The following IQSEC2 variants were observed in gnomAD, a reference collection of about 807,000 sequenced individuals.
IQSEC2 encodes the protein IQ motif and SEC7 domain-containing protein 2.
Under a neutral mutation model 74.6 loss-of-function variants are expected in IQSEC2, and 6 were observed. The ratio of observed to expected loss-of-function variants is 0.08; its 90% CI spans 0.04 to 0.16. IQSEC2 has a LOEUF of 0.16. Among genes scored for constraint, IQSEC2 ranks in the 10% least tolerant of loss-of-function variants. The pLI, the probability that IQSEC2 is intolerant of heterozygous loss-of-function variation, is 1.00. For missense variants in IQSEC2, 734 were observed against 1,306.2 expected, an observed-to-expected ratio of 0.56 and a Z score of 6.75; for synonymous variants, 494 against 544.5, an observed-to-expected ratio of 0.91 and a Z score of 1.29.
intron 12 of IQSEC2, 27 bp from the exon 13 acceptor site, chrX:53,236,522 G>A (rs1556859761): frequency 1.7e-6 from 2 of 1,178,782 alleles, no homozygotes; most frequent in Non-Finnish European, 2.3e-6. Flanking sequence ...GAGACAGGGA[G>A]CAAAGGTCAG....
In IQSEC2 at chrX:53,255,915, C is replaced by T. The variant is rs1569306306; in HGVS notation, c.884G>A (p.Arg295Gln). The T allele has an allele frequency of 1.7e-6, 2 of 1,207,456 alleles. No individual in the cohort carries two copies. The highest frequency in any genetic ancestry group is 1.7e-5 in the African/African-American group (1 of 57,886). ...GACACTGGCTGGCTGGAGGCGTGCC[C>T]GCTGAGCCCAGGGAAGGCCCACTCC... is the stretch of plus-strand genomic sequence containing the variant. Reference protein sequence around the residue: ...PAGVGLPWAQRARLQPASVAL... With the variant: ...PAGVGLPWAQQARLQPASVAL... The change falls in exon 3 of 15, where the codon CGG (arginine) becomes CAG (glutamine). Residue 295 changes from arginine to glutamine, a missense_variant. Transcript: ENST00000642864.
chrX:53,309,412 C>T (rs2075299652), intron 1 of IQSEC2, among the ~76,000 whole-genome samples: 1 of 112,224 alleles, frequency 8.9e-6, no homozygotes, highest in Non-Finnish European at 1.9e-5. Context: ...TTTAGTTTGT[C>T]AAAACAAGCC....
downstream of IQSEC2, chrX:53,226,342 A>G (rs373012853): frequency 8.9e-6 from 1 of 112,657 alleles, no homozygotes; most frequent in East Asian, 2.8e-4. Context: ...TTGAACACCT[A>G]CTGTGCAAAT....
intron 1 of IQSEC2, among the ~76,000 whole-genome samples, chrX:53,317,605 G>C (rs1479831321): frequency 9.0e-6 from 1 of 111,597 alleles, no homozygotes; most frequent in South Asian, 3.7e-4. Context: ...GCACAGCGGG[G>C]CCCCCCCAAC....
chrX:53,228,399 G>A (rs1339699657), downstream of IQSEC2, among the ~76,000 whole-genome samples: 2 of 111,339 alleles, frequency 1.8e-5, no homozygotes, highest in Non-Finnish European at 1.9e-5. Flanking sequence ...GGTCTTGCTG[G>A]GGGACAACCG....
At chrX:53,305,545 C>T (rs782122467) in intron 1 of IQSEC2, among the ~76,000 whole-genome samples, 1 of 111,677 alleles carries the variant, frequency 9.0e-6, no homozygotes, top group Admixed American at 9.5e-5. Flanking sequence ...TACAGTGGTC[C>T]ACAGTTGTAC....
Position 53,255,989 on chromosome X carries a change from C to T in IQSEC2, c.810G>A (p.Arg270=), listed in dbSNP as rs1556865127. Residue 270 remains arginine (R), a synonymous_variant, in exon 3 of 15, where the codon CGG becomes CGA. Transcript: ENST00000642864. ...TGCTGGAGGGGGGCAGCTGGCTCAG[C>T]CGGTAGGGGGGTTGGCTCCCAGGAC... ...VDSPGSQPPY[R]LSQLPPSSSH... The T allele has an allele frequency of 1.7e-6, 2 of 1,189,158 alleles. No homozygotes were observed. The highest frequency in any genetic ancestry group is 2.3e-5 in the Admixed American group (1 of 43,317).
Position 53,270,683 on chromosome X carries a change from C to T in IQSEC2, c.738-14622G>A, listed in dbSNP as rs782595660. On this transcript the variant is annotated intron_variant, in intron 2 of 14. Coordinates refer to ENST00000642864, the MANE Select transcript of IQSEC2 (RefSeq NM_001111125.3). ...AGATCCATCAGGACAGGCATCTGTT[C>T]TGTTCAGTGCTAAACCCCTAGTGCC... is the stretch of plus-strand genomic sequence containing the variant. Among the ~76,000 whole-genome samples the T allele has an allele frequency of 4.7e-4, 53 of 112,540 alleles. 1 individual carries two copies. Among genetic ancestry groups the T allele is most frequent in the South Asian group, 3.3e-3 (9 of 2,720 alleles).
At chrX:53,286,604 AT>A (rs2075028226) in intron 2 of IQSEC2, among the ~76,000 whole-genome samples, 1 of 111,533 alleles carries the variant, frequency 9.0e-6, no homozygotes, top group Non-Finnish European at 1.9e-5. Flanking sequence ...ATGTCAGGCC[AT>A]GGGCAAGCAG....
intron 1 of IQSEC2, among the ~76,000 whole-genome samples, chrX:53,317,158 TG>T (rs782215017): frequency 9.0e-6 from 1 of 111,567 alleles, no homozygotes; most frequent in African/African-American, 3.3e-5. Context: ...CAACCAGGCT[TG>T]GGGGGGTATG....
rs1556880304 is a variant in IQSEC2, at chrX:53,321,007, G to A, written c.117C>T (p.Thr39=). The change falls in exon 1 of 15, where the codon ACC becomes ACT. Residue 39 remains threonine, a synonymous_variant. Transcript: ENST00000642864. The part of the protein sequence containing the change: ...IIESQQQLLE[T]QRRRIEELEG... ...CCAGCTCCTCGATGCGCCGCCGCTG[G>A]GTTTCCAGCAGCTGCTGCTGGCTCT... 2 of 1,156,059 alleles carry A rather than the reference G, an allele frequency of 1.7e-6. No homozygotes were observed. The highest frequency in any genetic ancestry group is 2.3e-6 in the Non-Finnish European group (2 of 871,463).
downstream of IQSEC2, chrX:53,232,757 C>A (rs905678942): frequency 1.8e-5 from 2 of 112,256 alleles, no homozygotes; most frequent in African/African-American, 6.5e-5. Context: ...AGCAAAGCAT[C>A]TCGTCCACCC....
intron 1 of IQSEC2, among the ~76,000 whole-genome samples, chrX:53,311,841 G>C (rs1257377436): frequency 8.9e-6 from 1 of 111,895 alleles, no homozygotes; most frequent in African/African-American, 3.3e-5. Context: ...GCTTGAACCT[G>C]GGGCGGGGAA....
chrX:53,235,964 G>T, intron 13 of IQSEC2, 132 bp from the exon 14 acceptor site: 2 of 610,973 alleles, frequency 3.3e-6, no homozygotes, highest in Non-Finnish European at 5.0e-6. Context: ...CCCCATTGAA[G>T]AGGGGGAGGC....
intron 1 of IQSEC2, among the ~76,000 whole-genome samples, chrX:53,307,868 C>G (rs1191718791): frequency 2.4e-5 from 2 of 84,337 alleles, no homozygotes; most frequent in Non-Finnish European, 4.4e-5. Flanking sequence ...CCCTATGCAA[C>G]AGAGTGAGGC....
chrX:53,247,214 A>G, intron 7 of IQSEC2, 79 bp from the exon 8 acceptor site: 2 of 966,312 alleles, frequency 2.1e-6, no homozygotes, highest in Non-Finnish European at 2.9e-6. Context: ...GTCTGGCACC[A>G]GCAACCCTTT....
intron 10 of IQSEC2, among the ~76,000 whole-genome samples, chrX:53,241,267 G>A (rs1205787433): frequency 9.1e-6 from 1 of 110,360 alleles, no homozygotes; most frequent in Non-Finnish European, 1.9e-5. Context: ...CACCATGCCC[G>A]GCTAATTTTT....
rs1556880265 is a variant in IQSEC2 at position 53,320,926 on chromosome X, C to A, written c.198G>T (p.Gln66His). The A allele has an allele frequency of 8.6e-7, 1 of 1,163,870 alleles. No homozygotes were observed. The highest frequency in any genetic ancestry group is 2.6e-5 in the Admixed American group (1 of 38,785). Residue 66 changes from glutamine to histidine, a missense_variant, in exon 1 of 15, where the codon CAG (glutamine) becomes CAT (histidine). Gln to His is a conservative substitution (Grantham distance 24). This residue lies in a region of IQSEC2 where 134 missense variants were observed against 214.9 expected (regional missense o/e 0.62). Transcript: ENST00000642864. ...QENRDLREESQLHRGELHRDP... is the reference protein window; with the variant it reads ...QENRDLREESHLHRGELHRDP... ...CCCGGTGCAGCTCCCCGCGGTGCAG[C>A]TGGCTCTCCTCTCGCAGGTCGCGGT...
rs2146554196 is a variant in IQSEC2, at chrX:53,321,200, C to A, written c.-77G>T. 1 of 624,797 alleles carries A rather than the reference C, an allele frequency of 1.6e-6. No individual in the cohort carries two copies. Among genetic ancestry groups the A allele is most frequent in the South Asian group, 3.1e-5 (1 of 31,803 alleles). The allele number at this position is 624,797 out of a possible 1,213,427, so 51.5% of individuals were successfully genotyped here. On this transcript the variant is annotated 5_prime_UTR_variant, in exon 1 of 15. Transcript: ENST00000642864. ...CTCACGGCGCCACCCTCCCCCGGGC[C>A]CAGCCGGGGGAGGGGGCCGGCGGGA...
Sources: allele counts gnomAD v4.1 joint callset (sites outside exome capture counted in the v4.1 genomes callset), GRCh38; gene constraint gnomAD v4.1.1; regional missense constraint gnomAD v4.1.1; transcripts MANE v1.5; gene names NCBI Gene and HGNC (gene_info 2026-07-23, HGNC 2026-07-21).